Variants in ATRN observed in about 807,000 individuals in gnomAD.
The protein encoded by ATRN is attractin-2.
In ATRN, 54 loss-of-function variants were observed where a neutral mutation model predicts 178.7. The observed-to-expected ratio is 0.30, with a 90% CI of 0.24 to 0.38. ATRN has a LOEUF of 0.38. ATRN is among the 10% of genes least tolerant of loss of function. ATRN has a pLI of 1.00. For synonymous variants in ATRN, 636 were observed against 663.0 expected (o/e 0.96, Z 0.63); for missense variants, 1,443 against 1,815.1 (o/e 0.79, Z 3.73).
At chr20:3,512,107 A>ATATATATATATATATATATATATATTT in intron 1 of ATRN, among the ~76,000 whole-genome samples, 1 of 106,398 alleles carries the variant, frequency 9.4e-6, no homozygotes, top group Admixed American at 9.7e-5. Flanking sequence ...ATATATATAT[A>ATATATATATATATATATATATATATTT]TTTTTTTTTT....
chr20:3,542,654 CT>C (rs1435868939), intron 3 of ATRN, among the ~76,000 whole-genome samples: 1 of 140,202 alleles, frequency 7.1e-6, no homozygotes, highest in African/African-American at 2.7e-5. Flanking sequence ...TTCCCTTTTC[CT>C]TTTCTTTCTC....
At chr20:3,507,188 T>C (rs772103523) in intron 1 of ATRN, among the ~76,000 whole-genome samples, 17 of 151,656 alleles carry the variant, frequency 1.1e-4, no homozygotes, top group Non-Finnish European at 2.2e-4. Flanking sequence ...GGGTGGATCA[T>C]GAGGTCAGGA....
chr20:3,509,179 A>T (rs563251070), intron 1 of ATRN, among the ~76,000 whole-genome samples: 18 of 152,322 alleles, frequency 1.2e-4, no homozygotes, highest in African/African-American at 4.1e-4. Flanking sequence ...TCAAGATACC[A>T]GTTCAATGAC....
chr20:3,643,396 T>C (rs1452777086), intron 27 of ATRN, among the ~76,000 whole-genome samples: 1 of 152,042 alleles, frequency 6.6e-6, no homozygotes, highest in Non-Finnish European at 1.5e-5. Context: ...CTGGGTGCGG[T>C]AGGTCACACC....
chr20:3,571,998 A>G (rs1280078898), intron 11 of ATRN, among the ~76,000 whole-genome samples: 8 of 152,134 alleles, frequency 5.3e-5, no homozygotes, highest in Non-Finnish European at 2.9e-5. Context: ...GAATGTAGAG[A>G]AATAGATTCA....
chr20:3,511,438 GTTT>G (rs544053185), intron 1 of ATRN, among the ~76,000 whole-genome samples: 1 of 148,224 alleles, frequency 6.7e-6, no homozygotes, highest in Admixed American at 6.7e-5. Context: ...TTTTTAGTAG[GTTT>G]TTTTTTTAAT....
chr20:3,472,589 A>C (rs2084447358), intron 1 of ATRN, among the ~76,000 whole-genome samples: 1 of 152,236 alleles, frequency 6.6e-6, no homozygotes, highest in African/African-American at 2.4e-5. Flanking sequence ...CAAGAAAATA[A>C]AAACAGCGTG....
chr20:3,558,426 T>A (rs144613324), intron 6 of ATRN, among the ~76,000 whole-genome samples: 1 of 152,250 alleles, frequency 6.6e-6, no homozygotes, highest in Non-Finnish European at 1.5e-5. Flanking sequence ...TTCTTATACC[T>A]TTATGCTTAT....
chr20:3,578,903 C>A, intron 15 of ATRN, 131 bp downstream of exon 15: 1 of 776,330 alleles, frequency 1.3e-6, no homozygotes, highest in Non-Finnish European at 2.0e-6. Flanking sequence ...CTGGTGAACG[C>A]AGCCTGAGGG....
At chr20:3,483,192 A>G (rs532919948) in intron 1 of ATRN, among the ~76,000 whole-genome samples, 1 of 152,304 alleles carries the variant, frequency 6.6e-6, no homozygotes, top group African/African-American at 2.4e-5. Flanking sequence ...TTTAATCTTG[A>G]GATGAGATAT....
At chr20:3,604,419 CA>C (rs2086652551) in intron 24 of ATRN, among the ~76,000 whole-genome samples, 157 bp downstream of exon 24, 1 of 152,224 alleles carries the variant, frequency 6.6e-6, no homozygotes, top group African/African-American at 2.4e-5. Flanking sequence ...ATGCATGCTG[CA>C]CAGAAGATTG....
At chr20:3,485,827 G>A (rs566342518) in intron 1 of ATRN, among the ~76,000 whole-genome samples, 1 of 151,446 alleles carries the variant, frequency 6.6e-6, no homozygotes, top group Non-Finnish European at 1.5e-5. Context: ...TCACCATGTC[G>A]GTCAGGCTGG....
intron 3 of ATRN, among the ~76,000 whole-genome samples, chr20:3,543,139 T>C (rs915894244): frequency 6.6e-6 from 1 of 152,202 alleles, no homozygotes; most frequent in Non-Finnish European, 1.5e-5. Flanking sequence ...TTCTGTTCTT[T>C]CCCTCTGCTC....
chr20:3,543,207 G>A (rs577612685), intron 3 of ATRN, among the ~76,000 whole-genome samples: 1 of 152,310 alleles, frequency 6.6e-6, no homozygotes, highest in African/African-American at 2.4e-5. Context: ...CACCTGTGTG[G>A]GGAGTATCTG....
chr20:3,515,769 G>A (rs1240372590), intron 1 of ATRN, among the ~76,000 whole-genome samples: 2 of 152,176 alleles, frequency 1.3e-5, no homozygotes, highest in Admixed American at 6.5e-5. Flanking sequence ...CCAGCAGAAG[G>A]TAAAAGTATT....
intron 1 of ATRN, among the ~76,000 whole-genome samples, chr20:3,485,829 T>G (rs965019183): frequency 3.3e-5 from 5 of 151,282 alleles, no homozygotes; most frequent in Non-Finnish European, 4.4e-5. Context: ...ACCATGTCGG[T>G]CAGGCTGGTC....
At chr20:3,583,308 C>G (rs958342327) in intron 16 of ATRN, among the ~76,000 whole-genome samples, 1 of 152,292 alleles carries the variant, frequency 6.6e-6, no homozygotes, top group Non-Finnish European at 1.5e-5. Context: ...TCCTGGGTCC[C>G]CAAATTCTAA....
chr20:3,619,537 A>C (rs185443351), intron 24 of ATRN, among the ~76,000 whole-genome samples: 27 of 152,336 alleles, frequency 1.8e-4, no homozygotes, highest in Admixed American at 1.2e-3. Flanking sequence ...CATTTATTCA[A>C]GTTTTTGAGT....
chr20:3,606,571 A>G (rs2086680197), intron 24 of ATRN, among the ~76,000 whole-genome samples: 1 of 152,066 alleles, frequency 6.6e-6, no homozygotes, highest in Non-Finnish European at 1.5e-5. Flanking sequence ...TTCGGTGCAT[A>G]TTCCTTCTTG....
Sources: allele counts gnomAD v4.1 joint callset (sites outside exome capture counted in the v4.1 genomes callset), GRCh38; gene constraint gnomAD v4.1.1; transcripts MANE v1.5; gene names NCBI Gene and HGNC (gene_info 2026-07-23, HGNC 2026-07-21).